Variants in PCDH11X observed in about 807,000 individuals in gnomAD.
PCDH11X encodes the protein protocadherin-11 X-linked.
PCDH11X carries 18 observed loss-of-function variants against 53.3 expected under a neutral mutation model. The ratio of observed to expected loss-of-function variants is 0.34; its 90% CI spans 0.23 to 0.50. PCDH11X has a LOEUF of 0.50. Among genes scored for constraint, PCDH11X ranks in the 20% least tolerant of loss-of-function variants. PCDH11X has a pLI of 0.98. For missense variants in PCDH11X, 570 were observed against 1,032.4 expected, an observed-to-expected ratio of 0.55 and a Z score of 6.14; for synonymous variants, 279 against 393.3, an observed-to-expected ratio of 0.71 and a Z score of 3.44.
chrX:92,215,762 C>A (rs891430543), intron 7 of PCDH11X, among the ~76,000 whole-genome samples: 1 of 106,717 alleles, frequency 9.4e-6, no homozygotes, highest in African/African-American at 3.4e-5. Flanking sequence ...CAAGTGTATC[C>A]CTGACCCCTG....
intron 6 of PCDH11X, among the ~76,000 whole-genome samples, chrX:92,060,613 G>A (rs1389113389): frequency 9.2e-6 from 1 of 108,918 alleles, no homozygotes; most frequent in Non-Finnish European, 1.9e-5. Context: ...GTTCACTTAG[G>A]ATAATGACCT....
chrX:92,168,568 G>A (rs2065773133), intron 6 of PCDH11X, among the ~76,000 whole-genome samples: 1 of 109,098 alleles, frequency 9.2e-6, no homozygotes, highest in Non-Finnish European at 1.9e-5. Context: ...AACAAAACAC[G>A]AAAAACCCCC....
intron 6 of PCDH11X, among the ~76,000 whole-genome samples, chrX:92,123,046 G>C (rs1470685787): frequency 9.0e-6 from 1 of 111,163 alleles, no homozygotes; most frequent in African/African-American, 3.3e-5. Flanking sequence ...CTTTAACTAC[G>C]GCAACTATGG....
intron 7 of PCDH11X, among the ~76,000 whole-genome samples, chrX:92,207,504 A>T (rs930292616): frequency 1.2e-4 from 13 of 111,791 alleles, no homozygotes; most frequent in African/African-American, 3.9e-4. Flanking sequence ...ATGCTTTTCT[A>T]TGACATTGAA....
intron 6 of PCDH11X, among the ~76,000 whole-genome samples, chrX:92,144,347 T>G (rs1196083747): frequency 1.7e-4 from 19 of 109,993 alleles, no homozygotes; most frequent in Non-Finnish European, 1.7e-4. Context: ...CACCTTGAAT[T>G]GTATCTCCCA....
chrX:92,618,447 A>G lies in PCDH11X; in HGVS notation c.3551A>G (p.His1184Arg). Reference sequence around the variant, plus strand: ...CCACTGTCACAGGCCTCTACTCAGCACCACAGCCCACGAGTGACACAGACC... The same window carrying G: ...CCACTGTCACAGGCCTCTACTCAGCGCCACAGCCCACGAGTGACACAGACC... ...SPPLSQASTQ[H>R]HSPRVTQTIA... The change falls in exon 11 of 11, where the codon CAC becomes CGC. Residue 1184 changes from histidine to arginine, a missense_variant. Physicochemically the swap from His to Arg is conservative, Grantham distance 29. Coordinates refer to ENST00000682573, the MANE Select transcript of PCDH11X (RefSeq NM_032968.5). The G allele has an allele frequency of 2.5e-6, 3 of 1,211,170 alleles. No individual in the cohort carries two copies. The highest frequency in any genetic ancestry group is 3.4e-6 in the Non-Finnish European group (3 of 895,281).
chrX:92,337,560 C>T (rs2069649159), intron 8 of PCDH11X, among the ~76,000 whole-genome samples: 1 of 110,427 alleles, frequency 9.1e-6, no homozygotes, highest in African/African-American at 3.3e-5. Flanking sequence ...GAGTAAAGTT[C>T]ATAATCAATT....
chrX:91,802,991 TA>T (rs1470386066), intron 1 of PCDH11X, among the ~76,000 whole-genome samples: 1 of 111,808 alleles, frequency 8.9e-6, no homozygotes, highest in Non-Finnish European at 1.9e-5. Context: ...AGTCAGTTTA[TA>T]AAGTTGAGAC....
chrX:91,933,988 A>G (rs1021020124), intron 6 of PCDH11X, among the ~76,000 whole-genome samples: 7 of 110,872 alleles, frequency 6.3e-5, no homozygotes, highest in African/African-American at 2.3e-4. Flanking sequence ...CTAAAGAGAA[A>G]GGGTGATAAC....
chrX:92,172,564 A>T, intron 6 of PCDH11X, among the ~76,000 whole-genome samples: 1 of 108,232 alleles, frequency 9.2e-6, no homozygotes, highest in East Asian at 2.9e-4. Context: ...TAGTTAACAA[A>T]TTTTTTTTTG....
intron 7 of PCDH11X, among the ~76,000 whole-genome samples, chrX:92,234,352 G>A (rs1282464499): frequency 8.9e-6 from 1 of 111,984 alleles, no homozygotes; most frequent in Non-Finnish European, 1.9e-5. Context: ...GGCAAATGAA[G>A]CAGCACTCAC....
chrX:92,294,090 A>T (rs181292404), intron 8 of PCDH11X, among the ~76,000 whole-genome samples: 3,808 of 110,382 alleles, frequency 0.034, 79 homozygotes, highest in South Asian at 0.078. Context: ...ATCTAAAATG[A>T]TTCTAAAATT....
chrX:92,487,201 C>T (rs1395500203), intron 10 of PCDH11X, among the ~76,000 whole-genome samples: 1 of 105,322 alleles, frequency 9.5e-6, no homozygotes, highest in African/African-American at 3.4e-5. Context: ...TACAGGCATG[C>T]ACCACTACGC....
intron 6 of PCDH11X, among the ~76,000 whole-genome samples, chrX:92,101,167 T>C (rs1009003219): frequency 4.5e-5 from 5 of 111,596 alleles, no homozygotes; most frequent in African/African-American, 1.3e-4. Context: ...CAGTGTAAAC[T>C]GGCAGTGTAA....
chrX:92,107,484 C>T (rs934463633), intron 6 of PCDH11X, among the ~76,000 whole-genome samples: 1 of 112,279 alleles, frequency 8.9e-6, no homozygotes, highest in Non-Finnish European at 1.9e-5. Context: ...CGCCTGTAAT[C>T]CCAGTACTTT....
At chrX:92,505,380 G>A (rs1308876023) in intron 10 of PCDH11X, among the ~76,000 whole-genome samples, 1 of 109,132 alleles carries the variant, frequency 9.2e-6, no homozygotes, top group African/African-American at 3.3e-5. Flanking sequence ...TTTTGTGTAT[G>A]GTATAAGGAA....
At chrX:92,048,251 A>C (rs1448483229) in intron 6 of PCDH11X, among the ~76,000 whole-genome samples, 3 of 108,427 alleles carry the variant, frequency 2.8e-5, no homozygotes, top group Non-Finnish European at 5.7e-5. Context: ...AAAAAAAAAA[A>C]AAAACCGACT....
intron 10 of PCDH11X, among the ~76,000 whole-genome samples, chrX:92,575,930 T>TACACACACAC (rs1922803319): frequency 3.9e-5 from 1 of 25,878 alleles, no homozygotes; most frequent in African/African-American, 2.3e-4. Flanking sequence ...TATATATATA[T>TACACACACAC]ATATATATAT....
intron 6 of PCDH11X, among the ~76,000 whole-genome samples, chrX:91,997,050 G>T (rs1225992165): frequency 2.0e-5 from 2 of 102,143 alleles, no homozygotes; most frequent in East Asian, 3.1e-4. Context: ...ATATAAATTC[G>T]CAACTGGTAT....
Sources: gnomAD v4.1 joint callset for allele counts (sites outside exome capture counted in the v4.1 genomes callset) on GRCh38, gnomAD v4.1.1 for gene constraint, MANE v1.5 for transcripts, NCBI Gene and HGNC (gene_info 2026-07-23, HGNC 2026-07-21) for gene names.